CREB5: variants seen among roughly 807,000 people sequenced by gnomAD.
CREB5 encodes cyclic AMP-responsive element-binding protein 5.
Under a neutral mutation model 57.1 loss-of-function variants are expected in CREB5, and 19 were observed. The ratio of observed to expected loss-of-function variants is 0.33; its 90% CI spans 0.23 to 0.49. The LOEUF (loss-of-function observed/expected upper bound fraction) is 0.49. Ranked by LOEUF, CREB5 falls within the 20% of genes least tolerant of loss-of-function variation. The pLI is 0.99. For synonymous variants in CREB5, 238 were observed against 238.3 expected, an observed-to-expected ratio of 1.00 and a Z score of 0.01; for missense variants, 579 against 671.6, an observed-to-expected ratio of 0.86 and a Z score of 1.52.
intron 5 of CREB5, among the ~76,000 whole-genome samples, chr7:28,643,014 A>G (rs1798740715): frequency 7.1e-6 from 1 of 139,900 alleles, no homozygotes; most frequent in South Asian, 2.3e-4. Context: ...ACACACACAC[A>G]CACACACACA....
intron 9 of CREB5, among the ~76,000 whole-genome samples, chr7:28,814,230 G>A (rs892671584): frequency 1.3e-5 from 2 of 152,186 alleles, no homozygotes; most frequent in African/African-American, 2.4e-5. Context: ...TCTAGTATTT[G>A]TGCATTTCCT....
chr7:28,381,912 G>A lies in CREB5; in HGVS notation c.-25+82471G>A, dbSNP rs988727357. Reference sequence around the variant, plus strand: ...GACAGTATATATAAAAAAAGGTTTTGTTACGGGAATTGGCTCACTTGATGA... The same window carrying A: ...GACAGTATATATAAAAAAAGGTTTTATTACGGGAATTGGCTCACTTGATGA... On this transcript the variant is annotated intron_variant, in intron 1 of 9. Coordinates refer to the CREB5 transcript ENST00000396299. Among the ~76,000 whole-genome samples, 13 of 152,334 alleles carry A rather than the reference G, an allele frequency of 8.5e-5. No homozygotes were observed. In the East Asian group the frequency reaches 2.5e-3, roughly 29 times the overall value.
intron 5 of CREB5, among the ~76,000 whole-genome samples, chr7:28,692,201 AGCAGCT>A (rs1325513454): frequency 1.5e-5 from 2 of 137,192 alleles, no homozygotes; most frequent in African/African-American, 2.7e-5. Context: ...AAAAAAAAGC[AGCAGCT>A]GTGGAATAAA....
At chr7:28,783,220 T>C (rs1175150761) in intron 7 of CREB5, among the ~76,000 whole-genome samples, 1 of 152,190 alleles carries the variant, frequency 6.6e-6, no homozygotes, top group Non-Finnish European at 1.5e-5. Context: ...CTCCTTAATA[T>C]GCAATGTCCA....
At chr7:28,300,709 C>T (rs975158774) in intron 1 of CREB5, among the ~76,000 whole-genome samples, 5 of 152,184 alleles carry the variant, frequency 3.3e-5, no homozygotes, top group East Asian at 1.9e-4. Flanking sequence ...ACATTTCACA[C>T]GGAGTTAGGG....
chr7:28,424,554 C>T (rs1788417521), intron 1 of CREB5, among the ~76,000 whole-genome samples: 1 of 152,222 alleles, frequency 6.6e-6, no homozygotes, highest in African/African-American at 2.4e-5. Flanking sequence ...TAGATACATA[C>T]ATGTTGCACT....
chr7:28,549,696 C>G (rs1266123769), intron 4 of CREB5, among the ~76,000 whole-genome samples: 1 of 151,894 alleles, frequency 6.6e-6, no homozygotes, highest in Admixed American at 6.6e-5. Flanking sequence ...TCACTGGATG[C>G]CTGTTTTTTT....
chr7:28,527,944 G>A (rs1793516967), intron 4 of CREB5, among the ~76,000 whole-genome samples: 1 of 152,140 alleles, frequency 6.6e-6, no homozygotes, highest in African/African-American at 2.4e-5. Flanking sequence ...ATACCTACTG[G>A]CTACGTGGCC....
chr7:28,343,090 G>A (rs1475230716), intron 1 of CREB5, among the ~76,000 whole-genome samples: 6 of 151,892 alleles, frequency 4.0e-5, no homozygotes, highest in African/African-American at 9.7e-5. Context: ...ACAGGTACCC[G>A]CCACCACGCC....
intron 1 of CREB5, among the ~76,000 whole-genome samples, chr7:28,353,322 T>C (rs1020861118): frequency 2.0e-5 from 3 of 152,052 alleles, no homozygotes; most frequent in Non-Finnish European, 4.4e-5. Context: ...TTCTTTTTCT[T>C]TCCAAAGTCC....
chr7:28,640,119 TTCTCAGATACTCTGCAC>T (rs1273851400), intron 5 of CREB5, among the ~76,000 whole-genome samples: 3 of 152,140 alleles, frequency 2.0e-5, no homozygotes, highest in Admixed American at 6.6e-5. Context: ...CTCCTCTCCC[TTCTCAGATACTCTGCAC>T]TCTCAGCTCA....
At chr7:28,568,196 T>A (rs553685709) in intron 4 of CREB5, among the ~76,000 whole-genome samples, 2 of 152,272 alleles carry the variant, frequency 1.3e-5, no homozygotes, top group South Asian at 2.1e-4. Flanking sequence ...AAAAGAGGCA[T>A]CCAGGATAAT....
intron 4 of CREB5, among the ~76,000 whole-genome samples, chr7:28,537,922 A>T (rs967312472): frequency 2.0e-5 from 3 of 152,204 alleles, no homozygotes; most frequent in African/African-American, 7.2e-5. Flanking sequence ...TTCACTAGTA[A>T]TTCTCTGTAA....
rs1562606763 is a variant in CREB5, at chr7:28,737,574, TA to T, written c.702+13243del. On this transcript the variant is annotated intron_variant, in intron 7 of 10. Transcript: ENST00000357727. The stretch of plus-strand genomic sequence containing the variant: ...ATATATATATATATATATATATATA[TA>T]TATATATATATATTTTTAACTCCTG... Among the ~76,000 whole-genome samples, 46 of 34,204 alleles carry T rather than the reference TA, an allele frequency of 1.3e-3. 1 individual carries two copies. Among genetic ancestry groups the T allele is most frequent in the African/African-American group, 3.8e-3 (43 of 11,466 alleles). 22.4% of individuals were successfully genotyped at this position (34,204 alleles called of 152,430 possible).
intron 1 of CREB5, among the ~76,000 whole-genome samples, chr7:28,476,756 G>C (rs1005646095): frequency 1.1e-4 from 16 of 152,136 alleles, no homozygotes; most frequent in African/African-American, 3.1e-4. Flanking sequence ...TTGCTCCAGG[G>C]GTTATATATG....
At chr7:28,533,562 A>T (rs562690448) in intron 4 of CREB5, among the ~76,000 whole-genome samples, 146 of 152,346 alleles carry the variant, frequency 9.6e-4, no homozygotes, top group Non-Finnish European at 1.8e-3. Flanking sequence ...ATAGCATTTT[A>T]AAATTCTACT....
intron 1 of CREB5, among the ~76,000 whole-genome samples, chr7:28,369,454 C>A (rs112082271): frequency 6.6e-6 from 1 of 150,422 alleles, no homozygotes; most frequent in African/African-American, 2.4e-5. Context: ...GTGTCCAGCT[C>A]TACGGACATT....
At chr7:28,782,134 C>T in intron 7 of CREB5, among the ~76,000 whole-genome samples, 1 of 124 alleles carries the variant, frequency 8.1e-3, no homozygotes, top group Non-Finnish European at 0.014. Flanking sequence ...ACTTCTCAAC[C>T]CAAAAATGGA....
intron 7 of CREB5, among the ~76,000 whole-genome samples, chr7:28,778,089 G>A (rs190137050): frequency 3.3e-5 from 5 of 152,244 alleles, no homozygotes; most frequent in African/African-American, 1.2e-4. Context: ...TCACATTATG[G>A]TGGGAAAGAT....
Sources: allele counts gnomAD v4.1 joint callset (sites outside exome capture counted in the v4.1 genomes callset), GRCh38; gene constraint gnomAD v4.1.1; transcripts MANE v1.5; gene names NCBI Gene and HGNC (gene_info 2026-07-23, HGNC 2026-07-21).